The following IMMT variants were observed in gnomAD, a reference collection of about 807,000 sequenced individuals.
IMMT encodes inner membrane mitochondrial protein, also known as MICOS complex subunit MIC60.
Under a neutral mutation model 92.7 loss-of-function variants are expected in IMMT, and 40 were observed. That is an observed-to-expected ratio of 0.43 (90% confidence interval 0.34 to 0.56). The LOEUF (loss-of-function observed/expected upper bound fraction) is 0.56, where lower values mean the gene tolerates loss of function less well. Ranked by LOEUF, IMMT falls within the 20% of genes least tolerant of loss-of-function variation. IMMT has a pLI of 0.03. For missense variants in IMMT, 831 were observed against 912.1 expected (o/e 0.91, Z 1.14); for synonymous variants, 322 against 336.1 (o/e 0.96, Z 0.46).
intron 1 of IMMT, among the ~76,000 whole-genome samples, chr2:86,194,281 A>AGACTTCTAT (rs1420828618): frequency 6.6e-6 from 1 of 152,248 alleles, no homozygotes; most frequent in African/African-American, 2.4e-5. Context: ...ATCCGTGCCC[A>AGACTTCTAT]GACTTCTATC....
At chr2:86,174,806 T>C (rs1438295214) in intron 3 of IMMT, among the ~76,000 whole-genome samples, 1 of 152,234 alleles carries the variant, frequency 6.6e-6, no homozygotes, top group Non-Finnish European at 1.5e-5. Flanking sequence ...AGTTGCATAA[T>C]ATCCTCATAT....
intron 11 of IMMT, 37 bp from the exon 12 acceptor site, chr2:86,151,557 A>C (rs762071775): frequency 5.4e-5 from 78 of 1,456,394 alleles, no homozygotes; most frequent in Admixed American, 1.3e-4. Flanking sequence ...TAATGATGTC[A>C]CTGAAATTAT....
In IMMT at chr2:86,151,514, T is replaced by C. The variant is rs1018890181; in HGVS notation, c.1184A>G (p.Lys395Arg). ...KGMSVSDLAD[K>R]LSTDDLNSLI... Reference sequence around the variant, plus strand: ...GGAGTTCAGATCATCAGTAGAGAGCTTGTCAGCTAAGCAAAAGAGCATGTT... The same window carrying C: ...GGAGTTCAGATCATCAGTAGAGAGCCTGTCAGCTAAGCAAAAGAGCATGTT... The change falls in exon 12 of 15, where the codon AAG becomes AGG. Residue 395 changes from lysine (K) to arginine (R), a missense_variant. Transcript: ENST00000410111. The C allele has an allele frequency of 9.9e-6, 16 of 1,611,796 alleles. No individual in the cohort carries two copies. The highest frequency in any genetic ancestry group is 5.3e-5 in the African/African-American group (4 of 74,914).
intron 1 of IMMT, among the ~76,000 whole-genome samples, chr2:86,183,009 G>C (rs1672537413): frequency 6.6e-6 from 1 of 152,086 alleles, no homozygotes; most frequent in Non-Finnish European, 1.5e-5. Flanking sequence ...CTGTAAAGTA[G>C]TATGAAATTG....
chr2:86,151,431 T>C lies in IMMT; in HGVS notation c.1267A>G (p.Lys423Glu). Reference protein sequence around the residue: ...DQLNRELAEQKATEKQHITLA... With the variant: ...DQLNRELAEQEATEKQHITLA... ...GTGATGTGCTGCTTTTCGGTGGCCT[T>C]CTGTTCTGCCAGCTCTCTGTTCAGC... is the stretch of plus-strand genomic sequence containing the variant. Residue 423 changes from lysine (K) to glutamate (E), a missense_variant, in exon 12 of 15, where the codon AAG becomes GAG. Lys to Glu is a moderately conservative substitution (Grantham distance 56). Transcript: ENST00000410111. The C allele has an allele frequency of 3.1e-6, 5 of 1,614,030 alleles. No homozygotes were observed. Among genetic ancestry groups the C allele is most frequent in the Admixed American group, 1.7e-5 (1 of 60,020 alleles).
At chr2:86,187,402 C>T (rs1432879956) in intron 1 of IMMT, among the ~76,000 whole-genome samples, 3 of 152,148 alleles carry the variant, frequency 2.0e-5, no homozygotes, top group African/African-American at 7.2e-5. Flanking sequence ...GTACTTCATT[C>T]CTTTTTATGG....
intron 9 of IMMT, chr2:86,159,231 G>A (rs1266937329): frequency 1.3e-5 from 5 of 377,776 alleles, no homozygotes; most frequent in African/African-American, 6.3e-5. Context: ...GACTACAGGC[G>A]CACACCACCA....
In IMMT at chr2:86,179,592, G is replaced by T. The variant is rs771828934; in HGVS notation, c.150C>A (p.Gly50=). 1 of 1,593,972 alleles carries T rather than the reference G, an allele frequency of 6.3e-7. No individual in the cohort carries two copies. The highest frequency in any genetic ancestry group is 1.9e-5 in the Admixed American group (1 of 53,558). Reference sequence around the variant, plus strand: ...CAATACCTCCACCAACAAACAAAAGGCCAGCTCCAGCAATTTTGCCAGTAG... The same window carrying T: ...CAATACCTCCACCAACAAACAAAAGTCCAGCTCCAGCAATTTTGCCAGTAG... ...GLTTGKIAGA[G]LLFVGGGIGG... Residue 50 remains glycine (G), a synonymous_variant, in exon 3 of 15, where the codon GGC becomes GGA. Coordinates refer to ENST00000410111, the MANE Select transcript of IMMT (RefSeq NM_006839.3).
chr2:86,173,352 G>A (rs1392508270), intron 4 of IMMT, among the ~76,000 whole-genome samples: 1 of 152,134 alleles, frequency 6.6e-6, no homozygotes, highest in South Asian at 2.1e-4. Flanking sequence ...AGGCCGAGGC[G>A]GGCAGATCAC....
At chr2:86,190,973 A>ATAAGG (rs1416295440) in intron 1 of IMMT, among the ~76,000 whole-genome samples, 1 of 152,146 alleles carries the variant, frequency 6.6e-6, no homozygotes, top group Non-Finnish European at 1.5e-5. Context: ...TGGGCAAAGA[A>ATAAGG]TAAGGTAGAT....
chr2:86,195,131 C>T (rs989505327), intron 1 of IMMT: 2 of 504,400 alleles, frequency 4.0e-6, no homozygotes, highest in East Asian at 3.4e-5. Flanking sequence ...CTCCACACCC[C>T]ACCCCGCTGC....
At chr2:86,148,881 T>C (rs1157277794) in intron 12 of IMMT, among the ~76,000 whole-genome samples, 2 of 63,508 alleles carry the variant, frequency 3.1e-5, no homozygotes, top group Non-Finnish European at 1.3e-4. Flanking sequence ...CATAAGTATT[T>C]ATGAAGTGCT....
At chr2:86,145,113 T>C (rs949808096) in intron 14 of IMMT, among the ~76,000 whole-genome samples, 2 of 152,144 alleles carry the variant, frequency 1.3e-5, no homozygotes, top group African/African-American at 4.8e-5. Flanking sequence ...CCACATATTT[T>C]TACCTTTACT....
intron 7 of IMMT, among the ~76,000 whole-genome samples, chr2:86,164,510 G>C (rs141133946): frequency 0.018 from 2,743 of 152,050 alleles, 29 homozygotes; most frequent in Non-Finnish European, 0.029. Flanking sequence ...GGCCAACATA[G>C]TGAAACCCTC....
chr2:86,182,719 C>T (rs1672514822), intron 1 of IMMT, among the ~76,000 whole-genome samples: 1 of 151,384 alleles, frequency 6.6e-6, no homozygotes, highest in South Asian at 2.1e-4. Flanking sequence ...GTGGCATGTG[C>T]CTATAGTCCC....
At chr2:86,148,039 G>A (rs756401663) in intron 12 of IMMT, among the ~76,000 whole-genome samples, 23 of 152,108 alleles carry the variant, frequency 1.5e-4, no homozygotes, top group Non-Finnish European at 2.5e-4. Flanking sequence ...CACAGCTGTG[G>A]CAAAAACCAG....
chr2:86,145,598 T>C (rs962670128), intron 14 of IMMT, among the ~76,000 whole-genome samples: 9 of 152,004 alleles, frequency 5.9e-5, no homozygotes, highest in African/African-American at 1.9e-4. Flanking sequence ...TTTATTGTTA[T>C]GTGACAAAAA....
intron 7 of IMMT, among the ~76,000 whole-genome samples, chr2:86,163,487 A>T (rs1263357647): frequency 6.6e-6 from 1 of 152,160 alleles, no homozygotes; most frequent in Non-Finnish European, 1.5e-5. Context: ...AGTACTGCTA[A>T]CATTACTGTG....
chr2:86,158,458 A>G lies in IMMT; in HGVS notation c.1162+134T>C. On this transcript the variant is annotated intron_variant, in intron 10 of 14. Coordinates refer to ENST00000410111, the MANE Select transcript of IMMT (RefSeq NM_006839.3). ...GTCATCTGTAATGACTGTGGTTAAA[A>G]TAAAACGCTGTAACAAAAAGAGATA... 2 of 660,040 alleles carry G rather than the reference A, an allele frequency of 3.0e-6. 1 individual carries two copies. Among genetic ancestry groups the G allele is most frequent in the South Asian group, 4.4e-5 (2 of 45,930 alleles). 40.9% of individuals were successfully genotyped at this position (660,040 alleles called of 1,614,324 possible). A position where few individuals can be genotyped will look rare whatever the true frequency, so the allele number is the denominator to read the frequency against.
Sources: allele counts gnomAD v4.1 joint callset (sites outside exome capture counted in the v4.1 genomes callset), GRCh38; gene constraint gnomAD v4.1.1; transcripts MANE v1.5; gene names NCBI Gene and HGNC (gene_info 2026-07-23, HGNC 2026-07-21).